The following FAT3 variants were observed in gnomAD, a reference collection of about 807,000 sequenced individuals.
The protein encoded by FAT3 is protocadherin Fat 3.
In FAT3, 95 loss-of-function variants were observed where a neutral mutation model predicts 310.2. That is an observed-to-expected ratio of 0.31 (90% CI 0.26 to 0.36). FAT3 has a LOEUF of 0.36. Among genes scored for constraint, FAT3 ranks in the 10% least tolerant of loss-of-function variants. The probability of loss-of-function intolerance (pLI) is 1.00; values close to 1 mark genes in which losing one functional copy is unlikely to be tolerated. For missense variants in FAT3, 5,408 were observed against 5,715.6 expected (o/e 0.95, Z 1.74); for synonymous variants, 2,314 against 2,192.9 (o/e 1.06, Z -1.54).
At chr11:92,545,181 C>A (rs1464449016) in intron 3 of FAT3, among the ~76,000 whole-genome samples, 1 of 152,076 alleles carries the variant, frequency 6.6e-6, no homozygotes, top group African/African-American at 2.4e-5. Flanking sequence ...TGTAACTGGT[C>A]CCCTAGTTCT....
intron 1 of FAT3, among the ~76,000 whole-genome samples, chr11:92,293,068 G>A (rs201943171): frequency 1.9e-3 from 190 of 100,928 alleles, no homozygotes; most frequent in Non-Finnish European, 2.9e-3. Flanking sequence ...AAGGAAGGAA[G>A]GAAGGAAGGA....
chr11:92,855,513 C>T (rs1476203489), intron 19 of FAT3, among the ~76,000 whole-genome samples: 2 of 152,172 alleles, frequency 1.3e-5, no homozygotes, highest in Admixed American at 1.3e-4. Context: ...GGCCTTATAC[C>T]TCTTTGGCCC....
chr11:92,330,637 G>T (rs575852581), intron 1 of FAT3, among the ~76,000 whole-genome samples: 2 of 152,254 alleles, frequency 1.3e-5, no homozygotes, highest in South Asian at 4.1e-4. Flanking sequence ...GCTGTATTGC[G>T]TGGGTTTTGA....
At chr11:92,498,379 T>G (rs1952830051) in intron 2 of FAT3, 1 of 227,198 alleles carries the variant, frequency 4.4e-6, no homozygotes, top group South Asian at 7.7e-5. Flanking sequence ...GGAATCTATT[T>G]ATTGACCATT....
At chr11:92,739,146 T>G (rs547245966) in intron 4 of FAT3, among the ~76,000 whole-genome samples, 1 of 152,286 alleles carries the variant, frequency 6.6e-6, no homozygotes, top group East Asian at 1.9e-4. Flanking sequence ...CCCTAAGCCT[T>G]TCCTGGATTG....
chr11:92,446,492 A>C (rs565214892), intron 2 of FAT3, among the ~76,000 whole-genome samples: 1 of 152,272 alleles, frequency 6.6e-6, no homozygotes, highest in Non-Finnish European at 1.5e-5. Context: ...TGGTCCTAAT[A>C]GCAAGTTTGG....
At chr11:92,415,263 T>C (rs1461459119) in intron 2 of FAT3, among the ~76,000 whole-genome samples, 1 of 152,218 alleles carries the variant, frequency 6.6e-6, no homozygotes. Flanking sequence ...AATTAAAATG[T>C]GTTCTCGTTT....
chr11:92,368,886 A>G (rs1288291342), intron 2 of FAT3, among the ~76,000 whole-genome samples: 2 of 125,756 alleles, frequency 1.6e-5, no homozygotes, highest in African/African-American at 9.7e-5. Context: ...ATATACACAT[A>G]TATATACACA....
intron 4 of FAT3, among the ~76,000 whole-genome samples, chr11:92,741,752 A>G (rs772697009): frequency 2.6e-5 from 4 of 152,078 alleles, no homozygotes; most frequent in Non-Finnish European, 5.9e-5. Context: ...CCTGAGACCC[A>G]TTTCCCCAGG....
intron 2 of FAT3, among the ~76,000 whole-genome samples, chr11:92,444,028 C>G: frequency 6.6e-6 from 1 of 152,200 alleles, no homozygotes; most frequent in Non-Finnish European, 1.5e-5. Context: ...TAAAAGAGAG[C>G]TGGTATTTGA....
intron 7 of FAT3, among the ~76,000 whole-genome samples, chr11:92,783,730 AGCCATGATTGT>A (rs1946817534): frequency 6.6e-6 from 1 of 152,158 alleles, no homozygotes; most frequent in African/African-American, 2.4e-5. Flanking sequence ...AACTGCAGTG[AGCCATGATTGT>A]GCCACTGCGC....
At chr11:92,300,232 G>A (rs1353704857) in intron 1 of FAT3, among the ~76,000 whole-genome samples, 1 of 152,062 alleles carries the variant, frequency 6.6e-6, no homozygotes, top group African/African-American at 2.4e-5. Flanking sequence ...TATTTCCTGT[G>A]CTCAAGATTT....
chr11:92,277,589 G>A (rs1025617241), intron 1 of FAT3, among the ~76,000 whole-genome samples: 1 of 152,134 alleles, frequency 6.6e-6, no homozygotes, highest in Non-Finnish European at 1.5e-5. Flanking sequence ...GTTGTCCTAA[G>A]TGAGATAACA....
intron 3 of FAT3, among the ~76,000 whole-genome samples, chr11:92,606,800 G>T (rs1387831401): frequency 6.6e-6 from 1 of 152,178 alleles, no homozygotes; most frequent in Non-Finnish European, 1.5e-5. Flanking sequence ...TCACAAGCCT[G>T]TTTCTTAACT....
rs1342546661 is a variant in FAT3 at position 92,890,549 on chromosome 11, A to G, written c.13206A>G (p.Glu4402=). Residue 4402 remains glutamate, a synonymous_variant, in exon 28 of 28, where the codon GAA becomes GAG. Coordinates refer to ENST00000525166, the MANE Select transcript of FAT3 (RefSeq NM_001367949.2). ...GGGCCCGCCTGTCGGACATAGAGGA[A>G]GTGCCCAACTATGAGAACCAGGATG... is the stretch of plus-strand genomic sequence containing the variant. ...MPGARLSDIE[E]VPNYENQDGG... 1.9e-6 allele frequency: 3 copies of G among 1,613,900 alleles called. No individual in the cohort carries two copies. Among genetic ancestry groups the G allele is most frequent in the East Asian group, 4.5e-5 (2 of 44,868 alleles).
In FAT3 at chr11:92,353,070, T is replaced by G. The variant is rs773976322; in HGVS notation, c.958T>G (p.Trp320Gly). 6.2e-7 allele frequency: 1 copy of G among 1,613,554 alleles called. No homozygotes were observed. The highest frequency in any genetic ancestry group is 1.7e-5 in the Admixed American group (1 of 59,892). The stretch of plus-strand genomic sequence containing the variant: ...GTTCTTCCTGGCTAAGGAAGGAAAG[T>G]GGTTGAATGAGTACAAGATTAAGGA... Reference protein sequence around the residue: ...DQFFLAKEGKWLNEYKIKERK... With the variant: ...DQFFLAKEGKGLNEYKIKERK... The change falls in exon 2 of 28, where the codon TGG (tryptophan) becomes GGG (glycine). Residue 320 changes from tryptophan (W) to glycine (G), a missense_variant. Trp to Gly is a radical substitution (Grantham distance 184, BLOSUM62 -2). This residue lies in a region of FAT3 where 4,588 missense variants were observed against 4,809.8 expected (regional missense o/e 0.95). Coordinates refer to ENST00000525166, the MANE Select transcript of FAT3 (RefSeq NM_001367949.2).
At chr11:92,544,539 G>T (rs891992827) in intron 3 of FAT3, among the ~76,000 whole-genome samples, 5 of 152,150 alleles carry the variant, frequency 3.3e-5, no homozygotes, top group African/African-American at 1.2e-4. Flanking sequence ...TGAACTACCA[G>T]TTTGTTATAA....
chr11:92,623,856 T>C (rs1941204459), intron 3 of FAT3, among the ~76,000 whole-genome samples: 1 of 151,906 alleles, frequency 6.6e-6, no homozygotes, highest in Non-Finnish European at 1.5e-5. Flanking sequence ...GGCAGGAGAA[T>C]GGCGTGAACC....
intron 20 of FAT3, among the ~76,000 whole-genome samples, chr11:92,858,941 A>G (rs1298412814): frequency 6.6e-6 from 1 of 152,190 alleles, no homozygotes; most frequent in African/African-American, 2.4e-5. Flanking sequence ...AAATAAGATG[A>G]TTTGGTGGCT....
Sources: allele counts gnomAD v4.1 joint callset (sites outside exome capture counted in the v4.1 genomes callset), GRCh38; gene constraint gnomAD v4.1.1; regional missense constraint gnomAD v4.1.1; transcripts MANE v1.5; gene names NCBI Gene and HGNC (gene_info 2026-07-23, HGNC 2026-07-21).